NKAIN2: variants seen among roughly 807,000 people sequenced by gnomAD.
NKAIN2 encodes sodium/potassium transporting ATPase interacting 2.
NKAIN2 carries 14 observed loss-of-function variants against 32.6 expected under a neutral mutation model. The observed-to-expected ratio is 0.43, with a 90% confidence interval of 0.28 to 0.67. The LOEUF is 0.67. NKAIN2 is among the 30% of genes least tolerant of loss of function. The pLI, the probability that NKAIN2 is intolerant of heterozygous loss-of-function variation, is 0.17. For synonymous variants in NKAIN2, 80 were observed against 87.2 expected (o/e 0.92, Z 0.46); for missense variants, 198 against 258.3 (o/e 0.77, Z 1.60).
intron 1 of NKAIN2, among the ~76,000 whole-genome samples, chr6:123,918,073 T>C (rs990083238): frequency 1.2e-4 from 18 of 152,166 alleles, no homozygotes; most frequent in South Asian, 4.1e-4. Context: ...CTATCCATGC[T>C]CTTGAGTACA....
At chr6:124,790,930 AG>A (rs1779718769) in intron 4 of NKAIN2, among the ~76,000 whole-genome samples, 1 of 152,096 alleles carries the variant, frequency 6.6e-6, no homozygotes, top group African/African-American at 2.4e-5. Context: ...CTTCCCTCAA[AG>A]CGTTTTTCTG....
intron 2 of NKAIN2, among the ~76,000 whole-genome samples, chr6:124,331,948 T>G (rs1159665206): frequency 6.6e-6 from 1 of 152,202 alleles, no homozygotes; most frequent in Non-Finnish European, 1.5e-5. Flanking sequence ...AGATAGTTTT[T>G]AAACTTTTCA....
intron 1 of NKAIN2, among the ~76,000 whole-genome samples, chr6:124,239,367 G>A (rs942926711): frequency 6.6e-6 from 1 of 152,024 alleles, no homozygotes; most frequent in African/African-American, 2.4e-5. Context: ...ATATTCGGGA[G>A]TTGAATTCAG....
At chr6:124,147,037 T>G (rs1003107678) in intron 1 of NKAIN2, among the ~76,000 whole-genome samples, 11 of 152,224 alleles carry the variant, frequency 7.2e-5, no homozygotes, top group Non-Finnish European at 1.6e-4. Context: ...AATGATGTAT[T>G]TTACAATGAA....
chr6:124,381,640 C>T (rs191542981), intron 3 of NKAIN2, among the ~76,000 whole-genome samples: 15 of 152,282 alleles, frequency 9.9e-5, no homozygotes, highest in Admixed American at 9.8e-4. Context: ...GAATTGTAGA[C>T]TTGAATATCT....
intron 1 of NKAIN2, among the ~76,000 whole-genome samples, chr6:123,892,766 C>A (rs971868538): frequency 6.6e-6 from 1 of 151,544 alleles, no homozygotes; most frequent in African/African-American, 2.4e-5. Context: ...GGGAAGTGGT[C>A]ATACAGACTA....
At chr6:124,354,604 A>G (rs564451443) in intron 2 of NKAIN2, among the ~76,000 whole-genome samples, 2 of 152,240 alleles carry the variant, frequency 1.3e-5, no homozygotes, top group Non-Finnish European at 2.9e-5. Flanking sequence ...ATCCTTGACA[A>G]CTTGGGGAAA....
chr6:124,775,190 T>C (rs1052505232), intron 4 of NKAIN2, among the ~76,000 whole-genome samples: 1 of 152,184 alleles, frequency 6.6e-6, no homozygotes, highest in Non-Finnish European at 1.5e-5. Context: ...GAGTATTCAT[T>C]GGACTGGGAG....
intron 1 of NKAIN2, among the ~76,000 whole-genome samples, chr6:124,072,535 TCAAGCCTCCGCATTAAGC>T (rs1392060611): frequency 6.6e-6 from 1 of 152,164 alleles, no homozygotes; most frequent in Non-Finnish European, 1.5e-5. Context: ...CCTGTCATTC[TCAAGCCTCCGCATTAAGC>T]CATTATTTTC....
At chr6:123,874,437 T>C (rs939662585) in intron 1 of NKAIN2, among the ~76,000 whole-genome samples, 2 of 152,192 alleles carry the variant, frequency 1.3e-5, no homozygotes, top group Non-Finnish European at 2.9e-5. Context: ...TTTACAGCCC[T>C]GACTGGGAAA....
intron 3 of NKAIN2, among the ~76,000 whole-genome samples, chr6:124,520,023 G>A (rs1045038296): frequency 2.6e-5 from 4 of 152,242 alleles, no homozygotes; most frequent in Middle Eastern, 3.4e-3. Context: ...ACATGCTCGA[G>A]CAAGGTCACA....
At chr6:123,816,075 A>G (rs1038912894) in intron 1 of NKAIN2, among the ~76,000 whole-genome samples, 1 of 152,320 alleles carries the variant, frequency 6.6e-6, no homozygotes. Context: ...GAGGATTTCT[A>G]TAGCTAGAGA....
In NKAIN2 at chr6:124,367,071, A is replaced by G. The variant is rs771761847; in HGVS notation, c.273+11724A>G. Among the ~76,000 whole-genome samples the G allele has an allele frequency of 3.8e-4, 58 of 152,288 alleles. No homozygotes were observed. In the Middle Eastern group the frequency reaches 0.01, roughly 27 times the overall value. On this transcript the variant is annotated intron_variant, in intron 3 of 6. Transcript: ENST00000368417. ...TCTCTTTCTAAACTTGTATTTGCTA[A>G]AAGACCACACATCATCGTTATGCAG...
intron 1 of NKAIN2, among the ~76,000 whole-genome samples, chr6:124,169,176 A>G (rs1788720530): frequency 1.3e-5 from 2 of 152,278 alleles, no homozygotes; most frequent in South Asian, 4.1e-4. Flanking sequence ...GATATATAAC[A>G]TTACTTAATG....
At position 124,232,708 on chromosome 6, in the gene NKAIN2, C is replaced by A. The variant is rs188538630; in HGVS notation, c.55-50297C>A. On this transcript the variant is annotated intron_variant, in intron 1 of 6. Transcript: ENST00000368417. ...AATATGCCCCAATAGAACCATCAAT[C>A]TGCATCAATTTGCCATCACTGGCAA... Among the ~76,000 whole-genome samples, 3 of 152,116 alleles carry A rather than the reference C, an allele frequency of 2.0e-5. No homozygotes were observed. In the East Asian group the frequency reaches 5.8e-4, roughly 30 times the overall value.
chr6:124,728,150 G>A (rs1349172134), intron 4 of NKAIN2, among the ~76,000 whole-genome samples: 1 of 130,932 alleles, frequency 7.6e-6, no homozygotes, highest in Non-Finnish European at 1.6e-5. Context: ...ACAGATCAAC[G>A]AGACAGAAAG....
chr6:123,911,302 G>T (rs1416651582), intron 1 of NKAIN2, among the ~76,000 whole-genome samples: 1 of 152,116 alleles, frequency 6.6e-6, no homozygotes, highest in South Asian at 2.1e-4. Flanking sequence ...GAAACATGGT[G>T]TCAGCATCTA....
At chr6:124,182,902 CA>C (rs1238966029) in intron 1 of NKAIN2, among the ~76,000 whole-genome samples, 6 of 152,076 alleles carry the variant, frequency 3.9e-5, no homozygotes, top group Non-Finnish European at 5.9e-5. Context: ...CTACTGTTTT[CA>C]AACTATAGTT....
chr6:124,665,735 T>TAATA (rs1484403952), intron 4 of NKAIN2, among the ~76,000 whole-genome samples: 1 of 152,202 alleles, frequency 6.6e-6, no homozygotes, highest in Non-Finnish European at 1.5e-5. Flanking sequence ...GATGATTCTC[T>TAATA]AATACCAGAA....
Sources: gnomAD v4.1 joint callset for allele counts (sites outside exome capture counted in the v4.1 genomes callset) on GRCh38, gnomAD v4.1.1 for gene constraint, MANE v1.5 for transcripts, NCBI Gene and HGNC (gene_info 2026-07-23, HGNC 2026-07-21) for gene names.